Variants in TRAK1 observed in about 807,000 individuals in gnomAD.
TRAK1 encodes trafficking kinesin protein 1, also known as trafficking kinesin-binding protein 1.
In TRAK1, 33 loss-of-function variants were observed where a neutral mutation model predicts 92.1. The observed-to-expected ratio is 0.36, with a 90% CI of 0.27 to 0.48. TRAK1 has a LOEUF of 0.48. Among genes scored for constraint, TRAK1 ranks in the 20% least tolerant of loss-of-function variants. The probability of loss-of-function intolerance (pLI) is 0.99; values close to 1 mark genes in which losing one functional copy is unlikely to be tolerated. For synonymous variants in TRAK1, 521 were observed against 517.3 expected, an observed-to-expected ratio of 1.01 and a Z score of -0.10; for missense variants, 1,123 against 1,257.9, an observed-to-expected ratio of 0.89 and a Z score of 1.62.
chr3:42,121,461 A>G (rs575525596), intron 1 of TRAK1, among the ~76,000 whole-genome samples: 93 of 152,062 alleles, frequency 6.1e-4, no homozygotes, highest in African/African-American at 2.0e-3. Flanking sequence ...GGGTTTCACC[A>G]TGTTAGCCAG....
chr3:42,160,475 TAA>T (rs1559852844), intron 2 of TRAK1: 1 of 1,613,968 alleles, frequency 6.2e-7, no homozygotes, highest in South Asian at 1.1e-5. Flanking sequence ...TGGAAGAGGG[TAA>T]ATTCTGTACT....
chr3:42,074,751 C>A (rs1704077990), intron 1 of TRAK1, among the ~76,000 whole-genome samples: 1 of 150,744 alleles, frequency 6.6e-6, no homozygotes. Context: ...GGGTAAATGG[C>A]CTGTCACAGG....
chr3:42,018,409 G>A (rs1701608645), intron 1 of TRAK1, among the ~76,000 whole-genome samples: 1 of 152,092 alleles, frequency 6.6e-6, no homozygotes, highest in Admixed American at 6.6e-5. Context: ...TATTTCTAGG[G>A]TCTCCTCTAG....
At chr3:42,185,332 A>G (rs11709495) in intron 4 of TRAK1, among the ~76,000 whole-genome samples, 154 of 152,360 alleles carry the variant, frequency 1.0e-3, no homozygotes, top group Admixed American at 1.8e-3. Context: ...GTAAAACAAA[A>G]CAAGACAAAA....
At chr3:42,147,072 AG>A (rs1408617970) in intron 2 of TRAK1, among the ~76,000 whole-genome samples, 1 of 152,052 alleles carries the variant, frequency 6.6e-6, no homozygotes, top group African/African-American at 2.4e-5. Context: ...TGAACATCTG[AG>A]GGGCTGTTTG....
chr3:42,079,474 C>CTTTTTTTTTTTTTTT (rs374173062), intron 1 of TRAK1, among the ~76,000 whole-genome samples: 6 of 133,942 alleles, frequency 4.5e-5, no homozygotes, highest in Non-Finnish European at 9.4e-5. Context: ...GAAGCTCCTT[C>CTTTTTTTTTTTTTTT]TTCTTTTTTT....
chr3:42,074,931 C>T (rs1704086919), intron 1 of TRAK1, among the ~76,000 whole-genome samples: 1 of 152,072 alleles, frequency 6.6e-6, no homozygotes, highest in African/African-American at 2.4e-5. Flanking sequence ...GTTTAACTTC[C>T]ACTTACAAAT....
intron 13 of TRAK1, chr3:42,203,768 C>G: frequency 1.0e-6 from 1 of 967,282 alleles, no homozygotes; most frequent in South Asian, 4.8e-5. Flanking sequence ...CCTAATCACC[C>G]CCCAAAGACA....
upstream of TRAK1, among the ~76,000 whole-genome samples, chr3:42,089,316 C>G (rs144613211): frequency 2.6e-5 from 4 of 152,148 alleles, no homozygotes; most frequent in African/African-American, 9.7e-5. Context: ...CCTGGATGAC[C>G]GCACTGGCCT....
At chr3:42,122,789 G>C (rs1001428249) in intron 1 of TRAK1, among the ~76,000 whole-genome samples, 26 of 152,134 alleles carry the variant, frequency 1.7e-4, no homozygotes, top group Admixed American at 1.7e-3. Flanking sequence ...GCTCTGCCTG[G>C]GGGAGGACAT....
chr3:42,178,698 G>A (rs1285949280), intron 3 of TRAK1, among the ~76,000 whole-genome samples: 2 of 152,138 alleles, frequency 1.3e-5, no homozygotes, highest in Non-Finnish European at 2.9e-5. Context: ...TCCTGGCCTG[G>A]TGCAGTGTCT....
At chr3:42,188,002 C>T in intron 4 of TRAK1, 43 bp from the exon 5 acceptor site, 1 of 1,552,330 alleles carries the variant, frequency 6.4e-7, no homozygotes, top group African/African-American at 1.4e-5. Flanking sequence ...GGGACAGTAT[C>T]ACCTTTTGGG....
chr3:42,217,451 C>G, intron 14 of TRAK1: 1 of 985,362 alleles, frequency 1.0e-6, no homozygotes, highest in Non-Finnish European at 1.2e-6. Context: ...ATCCCCAAAA[C>G]CCATTTGTAT....
intron 1 of TRAK1, among the ~76,000 whole-genome samples, chr3:42,096,862 C>G (rs367955108): frequency 3.9e-5 from 6 of 152,364 alleles, no homozygotes; most frequent in Admixed American, 2.6e-4. Flanking sequence ...CATTCCTACT[C>G]ACTCTTAGAA....
At chr3:42,169,259 G>T (rs908965113) in intron 2 of TRAK1, among the ~76,000 whole-genome samples, 1 of 150,912 alleles carries the variant, frequency 6.6e-6, no homozygotes, top group Non-Finnish European at 1.5e-5. Context: ...CTGAGCATAA[G>T]GATTTTGGGT....
intron 5 of TRAK1, 63 bp from the exon 6 acceptor site, chr3:42,188,953 T>G: frequency 8.2e-7 from 1 of 1,213,548 alleles, no homozygotes; most frequent in Non-Finnish European, 1.2e-6. Flanking sequence ...TGTCTCCACA[T>G]GGTTTGCCAG....
chr3:42,137,018 T>C (rs1383033975), intron 2 of TRAK1, among the ~76,000 whole-genome samples: 2 of 152,142 alleles, frequency 1.3e-5, no homozygotes, highest in Non-Finnish European at 2.9e-5. Flanking sequence ...TGATTTTAGG[T>C]GATTTGAAAA....
intron 1 of TRAK1, among the ~76,000 whole-genome samples, chr3:42,098,738 G>A (rs1363967445): frequency 6.6e-6 from 1 of 152,168 alleles, no homozygotes; most frequent in African/African-American, 2.4e-5. Context: ...GGAAAAGAAG[G>A]AGCGCCTAGC....
chr3:42,071,783 T>C (rs1034083848), intron 1 of TRAK1, among the ~76,000 whole-genome samples: 1 of 151,064 alleles, frequency 6.6e-6, no homozygotes, highest in South Asian at 2.1e-4. Context: ...TTCAGAGTGA[T>C]GACACATGCA....
Sources: allele counts gnomAD v4.1 joint callset (sites outside exome capture counted in the v4.1 genomes callset), GRCh38; gene constraint gnomAD v4.1.1; transcripts MANE v1.5; gene names NCBI Gene and HGNC (gene_info 2026-07-23, HGNC 2026-07-21).